Variants in ENTHD1 observed in about 807,000 individuals in gnomAD.
ENTHD1 encodes ENTH domain-containing protein 1.
ENTHD1 carries 23 observed loss-of-function variants against 39.1 expected under a neutral mutation model. That is an observed-to-expected ratio of 0.59 (90% CI 0.42 to 0.83). ENTHD1 has a LOEUF of 0.83. Ranked by LOEUF, ENTHD1 falls within the 40% of genes least tolerant of loss-of-function variation. ENTHD1 has a pLI of 0.00. For missense variants in ENTHD1, 624 were observed against 705.4 expected (o/e 0.88, Z 1.31); for synonymous variants, 230 against 258.2 (o/e 0.89, Z 1.05).
In ENTHD1 at chr22:39,861,954, G is replaced by T; in HGVS notation, c.403C>A (p.Pro135Thr). 2 of 1,573,404 alleles carry T rather than the reference G, an allele frequency of 1.3e-6. No individual in the cohort carries two copies. The highest frequency in any genetic ancestry group is 1.2e-5 in the South Asian group (1 of 84,402). The change falls in exon 3 of 7, where the codon CCA becomes ACA. Residue 135 changes from proline to threonine, a missense_variant. By Grantham distance (38) the Pro-to-Thr change is conservative. Transcript: ENST00000325157. ...ACTTCCCTCTCTTTACACAGCAATG[G>T]TTCATCCATCAGCAATGTGATGACT... The part of the protein sequence containing the change: ...KQVITLLMDE[P>T]LLCKEREVAC...
chr22:39,839,112 T>C (rs952112921), intron 3 of ENTHD1, among the ~76,000 whole-genome samples: 1 of 152,104 alleles, frequency 6.6e-6, no homozygotes, highest in African/African-American at 2.4e-5. Flanking sequence ...TTTATACTTA[T>C]AAAACTTCAT....
intron 5 of ENTHD1, among the ~76,000 whole-genome samples, chr22:39,810,331 A>G (rs568507193): frequency 6.6e-6 from 1 of 152,318 alleles, no homozygotes; most frequent in Admixed American, 6.5e-5. Flanking sequence ...CAGGTGACAC[A>G]TGAAGTCTTG....
At chr22:39,893,249 G>C (rs1460809572) in intron 1 of ENTHD1, 1 of 152,206 alleles carries the variant, frequency 6.6e-6, no homozygotes, top group East Asian at 1.9e-4. Flanking sequence ...ACAGGGCCGT[G>C]GGGGAGGAAG....
chr22:39,774,153 A>C (rs1018861833), intron 5 of ENTHD1, among the ~76,000 whole-genome samples: 5 of 152,168 alleles, frequency 3.3e-5, no homozygotes, highest in African/African-American at 1.2e-4. Flanking sequence ...TTTGAAACTC[A>C]TTCCTCTTCA....
chr22:39,835,799 C>T (rs1372160787), intron 4 of ENTHD1, 41 bp downstream of exon 4: 26 of 1,417,808 alleles, frequency 1.8e-5, no homozygotes, highest in Non-Finnish European at 2.5e-5. Context: ...ACAAAACTTG[C>T]AGTGATTTAT....
Position 39,852,681 on chromosome 22 carries a change from C to A in ENTHD1, c.592+9084G>T, listed in dbSNP as rs1361983143. On this transcript the variant is annotated intron_variant, in intron 3 of 6. Coordinates refer to ENST00000325157, the MANE Select transcript of ENTHD1 (RefSeq NM_152512.4). Reference sequence around the variant, plus strand: ...TACTGAATGTGGTAGGCAATTGTAACACAAGGACAATTGTAACACAATGGT... The same window carrying A: ...TACTGAATGTGGTAGGCAATTGTAAAACAAGGACAATTGTAACACAATGGT... Among the ~76,000 whole-genome samples, 4 of 152,080 alleles carry A rather than the reference C, an allele frequency of 2.6e-5. No homozygotes were observed. In the East Asian group the frequency reaches 7.7e-4, roughly 29 times the overall value.
chr22:39,879,809 TA>T (rs1019320086), intron 2 of ENTHD1, among the ~76,000 whole-genome samples: 14 of 152,208 alleles, frequency 9.2e-5, no homozygotes, highest in African/African-American at 3.4e-4. Context: ...ATTGTCCACA[TA>T]AAAAACTTCA....
chr22:39,869,201 C>T (rs139486793), intron 2 of ENTHD1, among the ~76,000 whole-genome samples: 17 of 152,164 alleles, frequency 1.1e-4, no homozygotes, highest in South Asian at 6.2e-4. Context: ...ATAGCAAAGA[C>T]GTGGAATCAA....
chr22:39,783,565 C>T (rs1322029038), intron 5 of ENTHD1, among the ~76,000 whole-genome samples: 1 of 152,018 alleles, frequency 6.6e-6, no homozygotes, highest in Non-Finnish European at 1.5e-5. Context: ...ACCAATGGAA[C>T]AGAATAGAGA....
chr22:39,785,310 G>A (rs954998998), intron 5 of ENTHD1, among the ~76,000 whole-genome samples: 1 of 152,194 alleles, frequency 6.6e-6, no homozygotes, highest in African/African-American at 2.4e-5. Context: ...GTATTTGAAA[G>A]GTTCCCCGAT....
At chr22:39,764,610 A>G (rs2065260175) in intron 6 of ENTHD1, among the ~76,000 whole-genome samples, 1 of 152,036 alleles carries the variant, frequency 6.6e-6, no homozygotes, top group Admixed American at 6.6e-5. Context: ...AGTAGAAAGC[A>G]TAATTATATA....
chr22:39,871,144 G>A lies in ENTHD1; in HGVS notation c.350-9137C>T, dbSNP rs1257536012. Among the ~76,000 whole-genome samples, 6 of 151,126 alleles carry A rather than the reference G, an allele frequency of 4.0e-5. No individual in the cohort carries two copies. The East Asian group carries it at 5.8e-4, about 15-fold the overall frequency. On this transcript the variant is annotated intron_variant, in intron 2 of 6. Coordinates refer to ENST00000325157, the MANE Select transcript of ENTHD1 (RefSeq NM_152512.4). ...GTGATCACACCATTACACTCCAACC[G>A]GGGCAATGGAGTGAGAGCCCATCTT...
intron 2 of ENTHD1, among the ~76,000 whole-genome samples, chr22:39,880,486 AATGATACATAAC>A (rs1437285939): frequency 6.6e-6 from 1 of 152,190 alleles, no homozygotes; most frequent in Non-Finnish European, 1.5e-5. Flanking sequence ...TTTGGGTAAA[AATGATACATAAC>A]TGTACGTTCA....
At chr22:39,876,772 G>A (rs949700348) in intron 2 of ENTHD1, among the ~76,000 whole-genome samples, 23 of 152,200 alleles carry the variant, frequency 1.5e-4, no homozygotes, top group African/African-American at 4.1e-4. Context: ...GGAAATTTTT[G>A]TATTAGTCAA....
chr22:39,810,790 T>C (rs916003658), intron 5 of ENTHD1, among the ~76,000 whole-genome samples: 3 of 152,210 alleles, frequency 2.0e-5, no homozygotes, highest in African/African-American at 7.2e-5. Context: ...CTATAGTATA[T>C]AGGTGTCAAC....
At chr22:39,841,273 C>T (rs1044148084) in intron 3 of ENTHD1, among the ~76,000 whole-genome samples, 4 of 152,008 alleles carry the variant, frequency 2.6e-5, no homozygotes, top group Non-Finnish European at 4.4e-5. Context: ...AGAGGAAAAG[C>T]CATTGTAGGT....
chr22:39,829,819 A>C (rs2065854405), intron 4 of ENTHD1, among the ~76,000 whole-genome samples: 1 of 151,510 alleles, frequency 6.6e-6, no homozygotes, highest in African/African-American at 2.4e-5. Flanking sequence ...TAAATAAATA[A>C]ATAAATAAAA....
rs1460235508 is a variant in ENTHD1, at chr22:39,766,096, T to A, written c.833-487A>T. On this transcript the variant is annotated intron_variant, in intron 5 of 6. Coordinates refer to ENST00000325157, the MANE Select transcript of ENTHD1 (RefSeq NM_152512.4). ...TCCCCAAAAATAAAGAATGTCTTCTTCCACACAGTTTCTATATGCAAGGCA... is the reference window on the plus strand; with the variant it reads ...TCCCCAAAAATAAAGAATGTCTTCTACCACACAGTTTCTATATGCAAGGCA... Among the ~76,000 whole-genome samples, 5 of 146,460 alleles carry A rather than the reference T, an allele frequency of 3.4e-5. No homozygotes were observed. The East Asian group carries it at 1.0e-3, about 30-fold the overall frequency.
intron 5 of ENTHD1, among the ~76,000 whole-genome samples, chr22:39,787,460 T>C (rs1193611934): frequency 6.6e-6 from 1 of 152,210 alleles, no homozygotes; most frequent in African/African-American, 2.4e-5. Context: ...AAGCTAGGCC[T>C]CTTGTACCAA....
Sources: gnomAD v4.1 joint callset for allele counts (sites outside exome capture counted in the v4.1 genomes callset) on GRCh38, gnomAD v4.1.1 for gene constraint, MANE v1.5 for transcripts, NCBI Gene and HGNC (gene_info 2026-07-23, HGNC 2026-07-21) for gene names.